MYG1: variants seen among roughly 807,000 people sequenced by gnomAD.
The protein encoded by MYG1 is UPF0160 protein MYG1, mitochondrial.
Under a neutral mutation model 43.5 loss-of-function variants are expected in MYG1, and 36 were observed. That is an observed-to-expected ratio of 0.83 (90% CI 0.63 to 1.09). The LOEUF is 1.09. Ranked by LOEUF, MYG1 falls within the 50% of genes least tolerant of loss-of-function variation. The pLI is 0.00. For synonymous variants in MYG1, 220 were observed against 202.8 expected, an observed-to-expected ratio of 1.08 and a Z score of -0.72; for missense variants, 529 against 495.1, an observed-to-expected ratio of 1.07 and a Z score of -0.65.
rs371378902 is a variant in MYG1, at chr12:53,306,032, C to T, written c.614C>T (p.Thr205Ile). The T allele has an allele frequency of 2.4e-5, 38 of 1,613,706 alleles. No homozygotes were observed. Among genetic ancestry groups the T allele is most frequent in the South Asian group, 2.2e-4 (20 of 91,024 alleles). The change falls in exon 4 of 7, where the codon ACC (threonine) becomes ATC (isoleucine). Residue 205 changes from threonine to isoleucine, a missense_variant. Thr to Ile is a moderately conservative substitution (Grantham distance 89, BLOSUM62 -1). Coordinates refer to ENST00000267103, the MANE Select transcript of MYG1 (RefSeq NM_021640.4). The stretch of plus-strand genomic sequence containing the variant: ...GCACGAGTTGCTCGACTTAATCCTA[C>T]CTGGAACCACCCCGACCAAGACACT... ...LSARVARLNP[T>I]WNHPDQDTEA...
chr12:53,304,944 C>T (rs1944261442), intron 3 of MYG1, among the ~76,000 whole-genome samples: 1 of 145,908 alleles, frequency 6.9e-6, no homozygotes, highest in African/African-American at 2.5e-5. Flanking sequence ...TCTCGGCTCA[C>T]TGCAAGCTGC....
At chr12:53,302,311 G>A (rs900130708) in intron 2 of MYG1, among the ~76,000 whole-genome samples, 27 of 152,200 alleles carry the variant, frequency 1.8e-4, no homozygotes, top group African/African-American at 5.3e-4. Context: ...ATAAAAGTCA[G>A]TTAACAAATG....
In MYG1 at chr12:53,306,336, G is replaced by A; in HGVS notation, c.765+16G>A. 1.2e-6 allele frequency: 2 copies of A among 1,613,792 alleles called. No homozygotes were observed. Among genetic ancestry groups the A allele is most frequent in the Non-Finnish European group, 1.7e-6 (2 of 1,179,906 alleles). ...GCGATTCCAGGTATAGGCCTTGGAG[G>A]AGGCATTATGGCTTGAGGATTACTG... On this transcript the variant is annotated intron_variant, in intron 5 of 6. Coordinates refer to ENST00000267103, the MANE Select transcript of MYG1 (RefSeq NM_021640.4).
In MYG1 at chr12:53,299,699, TC is replaced by T. The variant is rs1261235440; in HGVS notation, c.-37del. On this transcript the variant is annotated 5_prime_UTR_variant, in exon 1 of 7. Coordinates refer to ENST00000267103, the MANE Select transcript of MYG1 (RefSeq NM_021640.4). The stretch of plus-strand genomic sequence containing the variant: ...GTGGGGCTGCGCTGGCGCTTCCTCT[TC>T]CGGGTCGGCGCTCCTGCCTCCCTGC... 6.4e-6 allele frequency: 10 copies of T among 1,559,912 alleles called. No individual in the cohort carries two copies. Among genetic ancestry groups the T allele is most frequent in the Non-Finnish European group, 7.8e-6 (9 of 1,147,482 alleles).
intron 3 of MYG1, chr12:53,303,399 A>G: frequency 1.8e-6 from 1 of 553,616 alleles, no homozygotes; most frequent in South Asian, 2.5e-5. Flanking sequence ...GGTTGTGAGA[A>G]GTGGATGCTG....
intron 2 of MYG1, among the ~76,000 whole-genome samples, chr12:53,301,080 C>G (rs984687715): frequency 1.3e-5 from 2 of 151,964 alleles, no homozygotes; most frequent in Non-Finnish European, 2.9e-5. Flanking sequence ...CCACCACACC[C>G]GGCTAATTTT....
At position 53,306,608 on chromosome 12, in the gene MYG1, T is replaced by C. The variant is rs1399264893; in HGVS notation, c.766-72T>C. On this transcript the variant is annotated intron_variant, in intron 5 of 6. Coordinates refer to ENST00000267103, the MANE Select transcript of MYG1 (RefSeq NM_021640.4). ...ATCCTCCCACCTCAGCCTCCCAAAA[T>C]GTTGTGACTACAAACATGATCACCA... The C allele has an allele frequency of 2.0e-6, 3 of 1,499,840 alleles. No individual in the cohort carries two copies. The East Asian group carries it at 6.8e-5, about 34-fold the overall frequency. 92.9% of individuals were successfully genotyped at this position (1,499,840 alleles called of 1,614,324 possible).
intron 2 of MYG1, 24 bp from the exon 3 acceptor site, chr12:53,303,010 G>T (rs374484219): frequency 1.2e-4 from 190 of 1,578,216 alleles, no homozygotes; most frequent in Non-Finnish European, 1.6e-4. Context: ...CCTCACCTCA[G>T]CCCCACCTCC....
At chr12:53,301,915 G>A (rs924107614) in intron 2 of MYG1, among the ~76,000 whole-genome samples, 1 of 152,094 alleles carries the variant, frequency 6.6e-6, no homozygotes, top group Non-Finnish European at 1.5e-5. Flanking sequence ...AACCTCAGGT[G>A]ATCCACCCGC....
rs771660580 is a variant in MYG1 at position 53,300,166 on chromosome 12, G to A, written c.233G>A (p.Arg78Gln). 6.9e-6 allele frequency: 11 copies of A among 1,602,100 alleles called. No individual in the cohort carries two copies. The South Asian group carries it at 1.1e-4, about 16-fold the overall frequency. The change falls in exon 2 of 7, where the codon CGG (arginine) becomes CAG (glutamine). Residue 78 changes from arginine (R) to glutamine (Q), a missense_variant. Physicochemically the swap from Arg to Gln is conservative, Grantham distance 43. Coordinates refer to ENST00000267103, the MANE Select transcript of MYG1 (RefSeq NM_021640.4). ...ACCTCGCAGGATGCAGAGATTGTGC[G>A]GACCCGGGATCCCGAAAAACTCGCT... Reference protein sequence around the residue: ...LPEYRDAEIVRTRDPEKLASC... With the variant: ...LPEYRDAEIVQTRDPEKLASC...
At chr12:53,303,347 C>T (rs998028281) in intron 3 of MYG1, 154 bp downstream of exon 3, 21 of 808,250 alleles carry the variant, frequency 2.6e-5, no homozygotes, top group Non-Finnish European at 3.9e-5. Context: ...AGGCTCATCT[C>T]ACAAGGGAAT....
intron 2 of MYG1, among the ~76,000 whole-genome samples, chr12:53,302,767 A>C (rs1243055987): frequency 6.6e-6 from 1 of 152,070 alleles, no homozygotes. Flanking sequence ...ATCTTTCAGA[A>C]CTGACCTGAA....
chr12:53,303,214 A>C (rs1389292436), intron 3 of MYG1, 21 bp downstream of exon 3: 1 of 1,609,456 alleles, frequency 6.2e-7, no homozygotes, highest in Middle Eastern at 1.7e-4. Context: ...GAGGACAGAG[A>C]TGCCCCCCAC....
At chr12:53,306,522 T>G in intron 5 of MYG1, 158 bp from the exon 6 acceptor site, 2 of 1,087,172 alleles carry the variant, frequency 1.8e-6, no homozygotes, top group Non-Finnish European at 2.6e-6. Flanking sequence ...TTTTGTATTT[T>G]TTGTAGAGAC....
chr12:53,300,392 T>A, intron 2 of MYG1, 130 bp downstream of exon 2: 1 of 669,072 alleles, frequency 1.5e-6, no homozygotes, highest in Non-Finnish European at 2.5e-6. Context: ...AAACTCCCAC[T>A]AGGACTACAT....
At chr12:53,304,484 C>T (rs1032802739) in intron 3 of MYG1, among the ~76,000 whole-genome samples, 2 of 151,898 alleles carry the variant, frequency 1.3e-5, no homozygotes, top group East Asian at 1.9e-4. Flanking sequence ...GGGGTTTCAC[C>T]GTGTTAGCCA....
At chr12:53,306,423 A>G in intron 5 of MYG1, 103 bp downstream of exon 5, 1 of 1,516,732 alleles carries the variant, frequency 6.6e-7, no homozygotes, top group Non-Finnish European at 8.9e-7. Context: ...AGTGGCAGAC[A>G]ACCTCAACCT....
chr12:53,306,688 A>G lies in MYG1; in HGVS notation c.774A>G (p.Pro258=), dbSNP rs1368348130. ...EALAQRFQVD[P]SGEIVELAKG... Reference sequence around the variant, plus strand: ...TGCTCTCCCTCTTTCAGGTGGACCCAAGTGGAGAGATTGTGGAACTGGCGA... The same window carrying G: ...TGCTCTCCCTCTTTCAGGTGGACCCGAGTGGAGAGATTGTGGAACTGGCGA... The change falls in exon 6 of 7, where the codon CCA becomes CCG. Residue 258 remains proline, a synonymous_variant. Coordinates refer to ENST00000267103, the MANE Select transcript of MYG1 (RefSeq NM_021640.4). 1.9e-6 allele frequency: 3 copies of G among 1,613,202 alleles called. No individual in the cohort carries two copies.
intron 2 of MYG1, 91 bp from the exon 3 acceptor site, chr12:53,302,943 A>C (rs1944242101): frequency 7.6e-7 from 1 of 1,319,880 alleles, no homozygotes; most frequent in Admixed American, 2.5e-5. Context: ...AAAATGTGGC[A>C]GATAGGAAGC....
Sources: gnomAD v4.1 joint callset for allele counts (sites outside exome capture counted in the v4.1 genomes callset) on GRCh38, gnomAD v4.1.1 for gene constraint, MANE v1.5 for transcripts, NCBI Gene and HGNC (gene_info 2026-07-23, HGNC 2026-07-21) for gene names.